Variants in IL12RB1 observed in about 807,000 individuals in gnomAD.
IL12RB1 encodes interleukin 12 receptor subunit beta 1.
Under a neutral mutation model 94.4 loss-of-function variants are expected in IL12RB1, and 64 were observed. The observed-to-expected ratio is 0.68, with a 90% CI of 0.55 to 0.83. The LOEUF (loss-of-function observed/expected upper bound fraction) is 0.83, where lower values mean the gene tolerates loss of function less well. Among genes scored for constraint, IL12RB1 ranks in the 40% least tolerant of loss-of-function variants. The probability of loss-of-function intolerance (pLI) is 0.00; values close to 1 mark genes in which losing one functional copy is unlikely to be tolerated. For synonymous variants in IL12RB1, 362 were observed against 355.5 expected (o/e 1.02, Z -0.21); for missense variants, 814 against 855.6 (o/e 0.95, Z 0.61).
In IL12RB1 at chr19:18,072,099, C is replaced by T; in HGVS notation, c.1021+13G>A. 1 of 1,559,192 alleles carries T rather than the reference C, an allele frequency of 6.4e-7. No homozygotes were observed. Among genetic ancestry groups the T allele is most frequent in the Non-Finnish European group, 8.8e-7 (1 of 1,129,984 alleles). ...GGGGCCCTCATACCGCCCTCCCCAC[C>T]CAGAGGAGGCACCTGTGTGGGTGTC... On this transcript the variant is annotated intron_variant, in intron 9 of 16. Transcript: ENST00000593993.
chr19:18,077,128 C>G (rs1449847074), intron 5 of IL12RB1, among the ~76,000 whole-genome samples: 1 of 152,058 alleles, frequency 6.6e-6, no homozygotes, highest in Non-Finnish European at 1.5e-5. Flanking sequence ...TTTGGAAGGC[C>G]AAGGTGGGCG....
intron 2 of IL12RB1, chr19:18,083,227 T>A: frequency 1.5e-6 from 1 of 655,368 alleles, no homozygotes; most frequent in Non-Finnish European, 2.8e-6. Context: ...AGGGAAGTGA[T>A]AATGTTCAGA....
Position 18,073,527 on chromosome 19 carries a change from A to G in IL12RB1, c.773T>C (p.Leu258Pro). The change falls in exon 8 of 17, where the codon CTG becomes CCG. Residue 258 changes from leucine (L) to proline (P), a missense_variant. Transcript: ENST00000593993. ...LGQDGRRRLT[L>P]KEQPTQLELP... is the part of the protein sequence containing the mutation. ...TGACAGCCCCGTTACCTGCTCTTTC[A>G]GGGTCAGCCGCCTCCTCCCATCCTG... 1 of 1,606,068 alleles carries G rather than the reference A, an allele frequency of 6.2e-7. No individual in the cohort carries two copies. Among genetic ancestry groups the G allele is most frequent in the South Asian group, 1.1e-5 (1 of 90,898 alleles).
At position 18,069,482 on chromosome 19, in the gene IL12RB1, C is replaced by A. The variant is rs1467006743; in HGVS notation, c.1189+64G>T. On this transcript the variant is annotated intron_variant, in intron 10 of 16. Transcript: ENST00000593993. ...TGTGTGCCTTCCCTGCAGGTTTGAA[C>A]CCACCAGGACCTAAAAGGGAGGGCA... The A allele has an allele frequency of 2.1e-6, 3 of 1,462,876 alleles. No homozygotes were observed. The African/African-American group carries it at 4.2e-5, about 20-fold the overall frequency. The allele number at this position is 1,462,876 out of a possible 1,614,324, so 90.6% of individuals were successfully genotyped here.
chr19:18,074,783 G>C (rs1330736725), intron 7 of IL12RB1, among the ~76,000 whole-genome samples: 1 of 151,348 alleles, frequency 6.6e-6, no homozygotes, highest in Non-Finnish European at 1.5e-5. Context: ...CGGGCGCGGT[G>C]GCTCACGCCT....
intron 4 of IL12RB1, 26 bp downstream of exon 4, chr19:18,080,806 G>A (rs767907257): frequency 6.5e-6 from 10 of 1,544,196 alleles, no homozygotes; most frequent in South Asian, 3.3e-5. Context: ...GGTAAAAAAC[G>A]GACGGGGGGA....
At chr19:18,077,420 G>T in intron 5 of IL12RB1, 96 bp downstream of exon 5, 1 of 943,048 alleles carries the variant, frequency 1.1e-6, no homozygotes, top group South Asian at 1.4e-5. Flanking sequence ...GGGCTGGTTG[G>T]GAGCGGGGAC....
intron 1 of IL12RB1, chr19:18,097,693 G>C (rs1166217521): frequency 5.4e-6 from 4 of 747,574 alleles, no homozygotes; most frequent in African/African-American, 3.8e-5. Flanking sequence ...GCGGGGCCAG[G>C]CCGTGTCAGC....
intron 9 of IL12RB1, among the ~76,000 whole-genome samples, chr19:18,070,271 C>T (rs1461377514): frequency 6.6e-6 from 1 of 152,216 alleles, no homozygotes; most frequent in Non-Finnish European, 1.5e-5. Flanking sequence ...ACTGCTGTCT[C>T]CTTGCCAGGA....
At position 18,067,326 on chromosome 19, in the gene IL12RB1, G is replaced by GAAAAAAAAA; in HGVS notation, c.1328-638_1328-630dup. ...GCCACAGAGAGTGACTCTGTCTCAA[G>GAAAAAAAAA]AAAAAAAAAAAAAAAAAAAAAAAAG... On this transcript the variant is annotated intron_variant, in intron 11 of 16. Transcript: ENST00000593993. Among the ~76,000 whole-genome samples, 2 of 82,592 alleles carry GAAAAAAAAA rather than the reference G, an allele frequency of 2.4e-5. 1 individual carries two copies. 54.2% of individuals were successfully genotyped at this position (82,592 alleles called of 152,430 possible).
chr19:18,083,618 C>T, intron 1 of IL12RB1, 127 bp from the exon 2 acceptor site: 2 of 802,616 alleles, frequency 2.5e-6, no homozygotes, highest in East Asian at 2.7e-5. Context: ...CATCTATGCA[C>T]CCTCCTACCA....
intron 1 of IL12RB1, among the ~76,000 whole-genome samples, chr19:18,092,674 A>G (rs1599598323): frequency 2.7e-5 from 4 of 148,618 alleles, no homozygotes; most frequent in African/African-American, 9.8e-5. Context: ...CTGTCTGAAA[A>G]AAAAAAAAAA....
At chr19:18,091,875 T>A (rs1427839788), upstream of IL12RB1, among the ~76,000 whole-genome samples, 2 of 150,198 alleles carry the variant, frequency 1.3e-5, no homozygotes, top group Non-Finnish European at 3.0e-5. Flanking sequence ...TTTCTTTTTT[T>A]TTTTTTTTTT....
chr19:18,075,353 C>A (rs561821281), intron 7 of IL12RB1, among the ~76,000 whole-genome samples: 1 of 151,536 alleles, frequency 6.6e-6, no homozygotes, highest in Admixed American at 6.6e-5. Context: ...CTCCACCTCC[C>A]GGGTTCAAGG....
At chr19:18,092,639 C>G (rs1164301193) in intron 1 of IL12RB1, among the ~76,000 whole-genome samples, 1 of 150,704 alleles carries the variant, frequency 6.6e-6, no homozygotes, top group African/African-American at 2.4e-5. Flanking sequence ...CACTGCACCC[C>G]AGCCTAGGAG....
chr19:18,074,287 C>T (rs185188631), intron 7 of IL12RB1, among the ~76,000 whole-genome samples: 276 of 152,176 alleles, frequency 1.8e-3, no homozygotes, highest in Non-Finnish European at 2.8e-3. Flanking sequence ...GCTGGGATTA[C>T]AGGCATAAAC....
At chr19:18,078,360 T>C (rs182308611) in intron 4 of IL12RB1, among the ~76,000 whole-genome samples, 67 of 152,132 alleles carry the variant, frequency 4.4e-4, no homozygotes, top group Admixed American at 4.3e-3. Context: ...TTAGACAAGA[T>C]CCCACCACTG....
upstream of IL12RB1, chr19:18,091,486 G>A (rs752528143): frequency 2.6e-5 from 4 of 152,202 alleles, no homozygotes; most frequent in Admixed American, 6.5e-5. Context: ...CCTTCAGCCC[G>A]AGGAGGAGGG....
intron 10 of IL12RB1, 38 bp from the exon 11 acceptor site, chr19:18,068,564 T>C (rs1290346352): frequency 6.3e-7 from 1 of 1,589,448 alleles, no homozygotes. Flanking sequence ...TTCAGTAGAT[T>C]GTGTTCCCAC....
Sources: gnomAD v4.1 joint callset for allele counts (sites outside exome capture counted in the v4.1 genomes callset) on GRCh38, gnomAD v4.1.1 for gene constraint, MANE v1.5 for transcripts, NCBI Gene and HGNC (gene_info 2026-07-23, HGNC 2026-07-21) for gene names.